Variants in SFMBT2 observed in about 807,000 individuals in gnomAD.
SFMBT2 encodes the protein Scm like with four mbt domains 2.
A neutral mutation model predicts 110.1 loss-of-function variants in SFMBT2; 38 were observed. The observed-to-expected ratio is 0.35, with a 90% CI of 0.27 to 0.45. The LOEUF is 0.45. Among genes scored for constraint, SFMBT2 ranks in the 20% least tolerant of loss-of-function variants. The probability of loss-of-function intolerance (pLI) is 1.00; values close to 1 mark genes in which losing one functional copy is unlikely to be tolerated. For missense variants in SFMBT2, 1,011 were observed against 1,094.9 expected (o/e 0.92, Z 1.08); for synonymous variants, 425 against 425.4 (o/e 1.00, Z 0.01).
chr10:7,192,330 T>C (rs114564515), intron 15 of SFMBT2, among the ~76,000 whole-genome samples: 3,345 of 152,190 alleles, frequency 0.022, 119 homozygotes, highest in African/African-American at 0.076. Context: ...CAATACGAGA[T>C]CGTCATTCCT....
intron 17 of SFMBT2, among the ~76,000 whole-genome samples, chr10:7,173,350 T>C (rs773982508): frequency 4.6e-5 from 7 of 152,156 alleles, no homozygotes; most frequent in Non-Finnish European, 8.8e-5. Flanking sequence ...GACTGGTCAG[T>C]CAGCAAGCAC....
intron 4 of SFMBT2, among the ~76,000 whole-genome samples, chr10:7,298,981 C>A (rs1842486624): frequency 6.6e-6 from 1 of 152,098 alleles, no homozygotes; most frequent in Admixed American, 6.5e-5. Flanking sequence ...GAGGCCAAGG[C>A]GGGTGGATTA....
chr10:7,189,916 T>A (rs1420100192), intron 15 of SFMBT2, among the ~76,000 whole-genome samples: 1 of 152,252 alleles, frequency 6.6e-6, no homozygotes, highest in Admixed American at 6.5e-5. Context: ...AGAATGTGGA[T>A]GGAATTTGCT....
At position 7,372,161 on chromosome 10, in the gene SFMBT2, T is replaced by G. The variant is rs189924155; in HGVS notation, c.101-1786A>C. ...TCGAATTCCCGACCTCAGGTGACCC[T>G]CCCTCCTCAGCCTCCCAAAGTGCTG... On this transcript the variant is annotated intron_variant, in intron 2 of 20. Coordinates refer to ENST00000397167, the MANE Select transcript of SFMBT2 (RefSeq NM_001387889.1). Among the ~76,000 whole-genome samples, 277 of 152,014 alleles carry G rather than the reference T, an allele frequency of 1.8e-3. 1 individual carries two copies. The highest frequency in any genetic ancestry group is 6.3e-3 in the African/African-American group (263 of 41,476).
chr10:7,320,104 G>A (rs902791458), intron 4 of SFMBT2, among the ~76,000 whole-genome samples: 1 of 152,186 alleles, frequency 6.6e-6, no homozygotes, highest in Non-Finnish European at 1.5e-5. Flanking sequence ...CAGAGAGAGA[G>A]AGACAGACAG....
chr10:7,212,698 A>G (rs1403989539), intron 11 of SFMBT2, among the ~76,000 whole-genome samples: 1 of 152,190 alleles, frequency 6.6e-6, no homozygotes, highest in Non-Finnish European at 1.5e-5. Flanking sequence ...CTGTACAAAT[A>G]AAAAAGATTT....
Position 7,160,208 on chromosome 10 carries a change from T to C in SFMBT2, c.*3562A>G, listed in dbSNP as rs1211033788. ...TGTGCAGCTCCGTGGTGAAGTTCAC[T>C]GTGTTTTGCTTTTGTTTTGAAAGGC... is the stretch of plus-strand genomic sequence containing the variant. On this transcript the variant is annotated 3_prime_UTR_variant, in exon 21 of 21. Coordinates refer to ENST00000397167, the MANE Select transcript of SFMBT2 (RefSeq NM_001387889.1). 2 of 152,234 alleles carry C rather than the reference T, an allele frequency of 1.3e-5. No homozygotes were observed. The highest frequency in any genetic ancestry group is 2.4e-5 in the African/African-American group (1 of 41,464). The allele number at this position is 152,234 out of a possible 1,614,324, so 9.4% of individuals were successfully genotyped here.
intron 11 of SFMBT2, among the ~76,000 whole-genome samples, chr10:7,217,631 T>C (rs1839584242): frequency 6.6e-6 from 1 of 152,194 alleles, no homozygotes; most frequent in Non-Finnish European, 1.5e-5. Context: ...TGGACCAATG[T>C]ATTTGTCCCA....
intron 4 of SFMBT2, among the ~76,000 whole-genome samples, chr10:7,339,771 A>G (rs1843830845): frequency 6.6e-6 from 1 of 152,206 alleles, no homozygotes; most frequent in African/African-American, 2.4e-5. Flanking sequence ...TCCAACTTAC[A>G]TGAATGTAAC....
chr10:7,373,079 A>T (rs1207848172), intron 2 of SFMBT2, among the ~76,000 whole-genome samples: 1 of 152,190 alleles, frequency 6.6e-6, no homozygotes, highest in Non-Finnish European at 1.5e-5. Flanking sequence ...CAGTGCTGGG[A>T]GCTGAGGTCT....
At position 7,205,942 on chromosome 10, in the gene SFMBT2, A is replaced by G. The variant is rs1186080127; in HGVS notation, c.1331-14T>C. ...GAGTCTGCAGCCCTGCATGGGAAGA[A>G]GTTGAAACAAGAGGTACAAACAGAT... On this transcript the variant is annotated splice_polypyrimidine_tract_variant and intron_variant, in intron 11 of 20. Coordinates refer to ENST00000397167, the MANE Select transcript of SFMBT2 (RefSeq NM_001387889.1). 1 of 1,613,712 alleles carries G rather than the reference A, an allele frequency of 6.2e-7. No individual in the cohort carries two copies. The highest frequency in any genetic ancestry group is 8.5e-7 in the Non-Finnish European group (1 of 1,179,736).
At chr10:7,215,752 G>A in intron 11 of SFMBT2, 1 of 984,936 alleles carries the variant, frequency 1.0e-6, no homozygotes, top group Non-Finnish European at 1.2e-6. Context: ...ATCAGGGCCT[G>A]ACCTGCTTCC....
chr10:7,401,367 G>T (rs1846078460), intron 1 of SFMBT2, among the ~76,000 whole-genome samples: 1 of 152,092 alleles, frequency 6.6e-6, no homozygotes, highest in South Asian at 2.1e-4. Context: ...ATACATCCAG[G>T]TCAAAGGACA....
At chr10:7,352,342 A>G (rs1315086110) in intron 4 of SFMBT2, among the ~76,000 whole-genome samples, 2 of 152,204 alleles carry the variant, frequency 1.3e-5, no homozygotes, top group Non-Finnish European at 2.9e-5. Context: ...AGATATTTTG[A>G]GACAGGGTCT....
In SFMBT2 at chr10:7,381,789, A is replaced by C. The variant is rs374084182; in HGVS notation, c.100+10T>G. 2 of 1,609,608 alleles carry C rather than the reference A, an allele frequency of 1.2e-6. No individual in the cohort carries two copies. Among genetic ancestry groups the C allele is most frequent in the African/African-American group, 2.7e-5 (2 of 74,852 alleles). On this transcript the variant is annotated intron_variant, in intron 2 of 20. Transcript: ENST00000397167. ...AAAAATCCAGATGAATCTCGAAAAC[A>C]AAATCCTACCAGAATCAAGGTCTCC... is the stretch of plus-strand genomic sequence containing the variant.
Position 7,243,611 on chromosome 10 carries a change from A to G in SFMBT2, c.1067T>C (p.Ile356Thr), listed in dbSNP as rs1293045521. The change falls in exon 9 of 21, where the codon ATT becomes ACT. Residue 356 changes from isoleucine (I) to threonine (T), a missense_variant. By Grantham distance (89) the Ile-to-Thr change is moderately conservative. This residue lies in a region of SFMBT2 where 979 missense variants were observed against 1,016.1 expected (regional missense o/e 0.96). Coordinates refer to ENST00000397167, the MANE Select transcript of SFMBT2 (RefSeq NM_001387889.1). ...SMLCHADSLGILPVQWCLKNG... is the reference protein window; with the variant it reads ...SMLCHADSLGTLPVQWCLKNG... ...TTTAAGGCACCACTGTACTGGCAAA[A>G]TCCCCAAAGAATCTGCATGGCACAG... The G allele has an allele frequency of 2.3e-6, 2 of 872,960 alleles. No individual in the cohort carries two copies. Among genetic ancestry groups the G allele is most frequent in the Non-Finnish European group, 4.0e-6 (2 of 501,682 alleles). The allele number at this position is 872,960 out of a possible 1,614,324, so 54.1% of individuals were successfully genotyped here. A position where few individuals can be genotyped will look rare whatever the true frequency, so the allele number is the denominator to read the frequency against.
At chr10:7,337,329 G>A (rs998254007) in intron 4 of SFMBT2, among the ~76,000 whole-genome samples, 1 of 152,128 alleles carries the variant, frequency 6.6e-6, no homozygotes, top group Non-Finnish European at 1.5e-5. Context: ...CTATTCCAAG[G>A]TTCCACCTTG....
At chr10:7,376,993 AC>A (rs1845243067) in intron 2 of SFMBT2, among the ~76,000 whole-genome samples, 1 of 151,214 alleles carries the variant, frequency 6.6e-6, no homozygotes, top group African/African-American at 2.4e-5. Context: ...ACATGGTGAA[AC>A]CCCATCTCTA....
At chr10:7,355,046 G>A (rs1844459040) in intron 4 of SFMBT2, among the ~76,000 whole-genome samples, 1 of 152,140 alleles carries the variant, frequency 6.6e-6, no homozygotes, top group African/African-American at 2.4e-5. Context: ...TTATGTTCTA[G>A]TCACAGAAAT....
Sources: gnomAD v4.1 joint callset for allele counts (sites outside exome capture counted in the v4.1 genomes callset) on GRCh38, gnomAD v4.1.1 for gene constraint, gnomAD v4.1.1 regional missense constraint, MANE v1.5 for transcripts, NCBI Gene and HGNC (gene_info 2026-07-23, HGNC 2026-07-21) for gene names.